The following ZNF469 variants were observed in gnomAD, a reference collection of about 807,000 sequenced individuals.
ZNF469 encodes zinc finger protein 469.
A neutral mutation model predicts 1.0 loss-of-function variants in ZNF469; 1 was observed. That is an observed-to-expected ratio of 1.00 (90% confidence interval 0.35 to 4.73). The LOEUF is 4.73. ZNF469 is among the 30% of genes most tolerant of loss of function. The pLI, the probability that ZNF469 is intolerant of heterozygous loss-of-function variation, is 0.16. For missense variants in ZNF469, 6,100 were observed against 5,356.3 expected, an observed-to-expected ratio of 1.14 and a Z score of -4.33; for synonymous variants, 2,703 against 2,363.4, an observed-to-expected ratio of 1.14 and a Z score of -4.17.
At chr16:88,342,223 C>T in the ZNF469 span, among the ~76,000 whole-genome samples, 1,116 of 152,152 alleles carry the variant, frequency 7.3e-3, 49 homozygotes, top group East Asian at 0.12. Flanking sequence ...GAAGGTGACT[C>T]GAGAGATTTA....
At chr16:88,349,082 A>G in the ZNF469 span, among the ~76,000 whole-genome samples, 1 of 152,174 alleles carries the variant, frequency 6.6e-6, no homozygotes, top group Non-Finnish European at 1.5e-5. Context: ...ACAGGCCAGC[A>G]TGGCTCTGGG....
the ZNF469 span, among the ~76,000 whole-genome samples, chr16:88,128,922 C>T: frequency 1.6e-3 from 245 of 152,340 alleles, 2 homozygotes; most frequent in African/African-American, 5.7e-3. Context: ...AAGCTCCTGG[C>T]TCACAGGAAT....
At chr16:88,239,459 G>A in the ZNF469 span, among the ~76,000 whole-genome samples, 6 of 150,062 alleles carry the variant, frequency 4.0e-5, no homozygotes, top group African/African-American at 1.2e-4. Context: ...GATCAGGAAT[G>A]GGTCTGAGTG....
the ZNF469 span, among the ~76,000 whole-genome samples, chr16:88,369,276 A>G: frequency 5.1e-3 from 771 of 152,306 alleles, 3 homozygotes; most frequent in Non-Finnish European, 6.8e-3. Flanking sequence ...GACGCCCAGC[A>G]CATGCATCAC....
chr16:88,129,099 A>G, the ZNF469 span, among the ~76,000 whole-genome samples: 4 of 152,372 alleles, frequency 2.6e-5, no homozygotes, highest in South Asian at 8.3e-4. Flanking sequence ...TGCAGTGATA[A>G]AGCGTTAAAC....
the ZNF469 span, among the ~76,000 whole-genome samples, chr16:88,216,572 T>C: frequency 1.3e-5 from 2 of 152,342 alleles, no homozygotes; most frequent in Admixed American, 6.5e-5. Context: ...GTCAGTCTTA[T>C]TGTTGATTCT....
chr16:88,144,209 G>C, the ZNF469 span, among the ~76,000 whole-genome samples: 2 of 152,242 alleles, frequency 1.3e-5, no homozygotes, highest in South Asian at 2.1e-4. Flanking sequence ...CCAAAGGCGT[G>C]GTGGGGAGGG....
chr16:88,325,559 G>T, the ZNF469 span, among the ~76,000 whole-genome samples: 1 of 152,238 alleles, frequency 6.6e-6, no homozygotes, highest in Non-Finnish European at 1.5e-5. Flanking sequence ...AGCATGGCCA[G>T]AAATGACACT....
intron 1 of ZNF469, among the ~76,000 whole-genome samples, chr16:88,384,911 A>G (rs2092533856): frequency 6.6e-6 from 1 of 152,050 alleles, no homozygotes. Flanking sequence ...ACTCCCCATC[A>G]CAGCAGCCTG....
chr16:88,227,051 G>A, the ZNF469 span, among the ~76,000 whole-genome samples: 7 of 139,048 alleles, frequency 5.0e-5, no homozygotes, highest in African/African-American at 1.6e-4. Context: ...CCTCCTCCGC[G>A]CCGGGGCCTG....
the ZNF469 span, among the ~76,000 whole-genome samples, chr16:88,299,407 G>C: frequency 6.6e-6 from 1 of 152,198 alleles, no homozygotes; most frequent in Non-Finnish European, 1.5e-5. Flanking sequence ...AGAGGCCGGA[G>C]GGCAGAGGCT....
the ZNF469 span, among the ~76,000 whole-genome samples, chr16:88,366,341 C>T: frequency 6.6e-6 from 1 of 150,834 alleles, no homozygotes; most frequent in Admixed American, 6.6e-5. Context: ...ACTGTCACCA[C>T]CACCATCATC....
chr16:88,273,324 C>T, the ZNF469 span, among the ~76,000 whole-genome samples: 5 of 151,630 alleles, frequency 3.3e-5, no homozygotes, highest in Non-Finnish European at 7.4e-5. Flanking sequence ...GCAGTAGTTC[C>T]TCAATAATAT....
chr16:88,141,569 C>A, the ZNF469 span, among the ~76,000 whole-genome samples: 2 of 90,902 alleles, frequency 2.2e-5, 1 homozygote, highest in Admixed American at 2.3e-4. Flanking sequence ...TGGGAGGCAC[C>A]CCCGTCCTGG....
chr16:88,383,795 G>C (rs1050233698), intron 1 of ZNF469, among the ~76,000 whole-genome samples: 1 of 152,144 alleles, frequency 6.6e-6, no homozygotes, highest in Non-Finnish European at 1.5e-5. Context: ...CCCGGACGGG[G>C]GTGGGAGCTT....
the ZNF469 span, among the ~76,000 whole-genome samples, chr16:88,366,937 G>A: frequency 7.3e-5 from 11 of 151,238 alleles, no homozygotes; most frequent in Non-Finnish European, 1.0e-4. Context: ...TCATCATTAT[G>A]AGCAATAACA....
chr16:88,117,049 T>C, the ZNF469 span, among the ~76,000 whole-genome samples: 1 of 152,162 alleles, frequency 6.6e-6, no homozygotes, highest in South Asian at 2.1e-4. Context: ...GCCAGGCTGA[T>C]GGCTTGGCGT....
At chr16:88,221,706 A>G in the ZNF469 span, among the ~76,000 whole-genome samples, 1 of 152,192 alleles carries the variant, frequency 6.6e-6, no homozygotes, top group Non-Finnish European at 1.5e-5. Flanking sequence ...ACAGAAATGC[A>G]TCCTTGCACG....
chr16:88,203,499 G>A, the ZNF469 span, among the ~76,000 whole-genome samples: 7 of 152,294 alleles, frequency 4.6e-5, no homozygotes, highest in South Asian at 1.2e-3. Flanking sequence ...CGGTGGGGGC[G>A]GGGACGGGGC....
Sources: allele counts gnomAD v4.1 joint callset (sites outside exome capture counted in the v4.1 genomes callset), GRCh38; gene constraint gnomAD v4.1.1; transcripts MANE v1.5; gene names NCBI Gene and HGNC (gene_info 2026-07-23, HGNC 2026-07-21).